FNDC3A: variants seen among roughly 807,000 people sequenced by gnomAD.
FNDC3A encodes fibronectin type III domain containing 3A, also known as fibronectin type-III domain-containing protein 3A.
FNDC3A carries 32 observed loss-of-function variants against 148.9 expected under a neutral mutation model. That is an observed-to-expected ratio of 0.21 (90% confidence interval 0.16 to 0.29). FNDC3A has a LOEUF of 0.29. FNDC3A is among the 10% of genes least tolerant of loss of function. FNDC3A has a pLI of 1.00. For missense variants in FNDC3A, 1,191 were observed against 1,452.8 expected (o/e 0.82, Z 2.93); for synonymous variants, 472 against 473.6 (o/e 1.00, Z 0.04).
intron 8 of FNDC3A, 39 bp from the exon 9 acceptor site, chr13:49,167,205 T>C (rs761021101): frequency 1.5e-6 from 2 of 1,317,002 alleles, no homozygotes; most frequent in Non-Finnish European, 1.1e-6. Context: ...TGAAAATGCT[T>C]TATTTATCAG....
At chr13:49,060,158 G>T (rs1876561956) in intron 2 of FNDC3A, among the ~76,000 whole-genome samples, 2 of 152,286 alleles carry the variant, frequency 1.3e-5, no homozygotes, top group South Asian at 4.1e-4. Flanking sequence ...CAAGTACTAT[G>T]TGGAATATCC....
intron 1 of FNDC3A, among the ~76,000 whole-genome samples, chr13:48,991,152 G>A (rs1951908220): frequency 6.6e-6 from 1 of 152,060 alleles, no homozygotes; most frequent in South Asian, 2.1e-4. Context: ...AGGGATTGTT[G>A]GATACAATTT....
chr13:49,057,541 A>G (rs768228251), intron 2 of FNDC3A, among the ~76,000 whole-genome samples: 2 of 151,932 alleles, frequency 1.3e-5, no homozygotes, highest in African/African-American at 2.4e-5. Context: ...GTTATCTTAT[A>G]CCTTGCATTT....
chr13:49,081,741 C>T (rs1163632414), intron 3 of FNDC3A, among the ~76,000 whole-genome samples: 3 of 152,094 alleles, frequency 2.0e-5, no homozygotes, highest in African/African-American at 7.2e-5. Context: ...AAAACAAAGA[C>T]CTTATATTCT....
intron 2 of FNDC3A, among the ~76,000 whole-genome samples, chr13:49,047,391 C>G (rs1875500381): frequency 6.6e-6 from 1 of 152,152 alleles, no homozygotes; most frequent in Non-Finnish European, 1.5e-5. Flanking sequence ...TAGGGGATCT[C>G]CATGCTGTTT....
intron 2 of FNDC3A, among the ~76,000 whole-genome samples, chr13:49,009,242 C>T (rs1952286895): frequency 6.6e-6 from 1 of 152,196 alleles, no homozygotes; most frequent in African/African-American, 2.4e-5. Context: ...TTCAGACTGG[C>T]TTCTCCCACT....
At chr13:49,108,098 T>C (rs1880316126) in intron 3 of FNDC3A, among the ~76,000 whole-genome samples, 1 of 152,064 alleles carries the variant, frequency 6.6e-6, no homozygotes, top group Non-Finnish European at 1.5e-5. Flanking sequence ...ATTTCAAAGA[T>C]GAGATAGTGG....
Position 49,131,331 on chromosome 13 carries a change from G to A in FNDC3A, c.447G>A (p.Gln149=). Residue 149 remains glutamine (Q), a synonymous_variant, in exon 5 of 26, where the codon CAG becomes CAA. Coordinates refer to ENST00000492622, the MANE Select transcript of FNDC3A (RefSeq NM_001079673.2). ...PVTGAGDMTT[Q]YMPQYQSSQV... The stretch of plus-strand genomic sequence containing the variant: ...CTGGAGCTGGAGACATGACAACACA[G>A]TATATGCCACAGTATCAGTCTTCAC... 5 of 1,613,886 alleles carry A rather than the reference G, an allele frequency of 3.1e-6. No individual in the cohort carries two copies. In the South Asian group the frequency reaches 5.5e-5, roughly 18 times the overall value.
intron 2 of FNDC3A, among the ~76,000 whole-genome samples, chr13:49,026,843 A>G (rs1181917027): frequency 6.6e-6 from 1 of 152,216 alleles, no homozygotes; most frequent in East Asian, 1.9e-4. Flanking sequence ...AAGTAGATCA[A>G]TGAAAAGATG....
At chr13:49,169,021 A>G (rs1221993354) in intron 10 of FNDC3A, among the ~76,000 whole-genome samples, 2 of 152,332 alleles carry the variant, frequency 1.3e-5, no homozygotes, top group East Asian at 3.9e-4. Flanking sequence ...AGTGATTCTT[A>G]ACCCATTACT....
At chr13:49,052,566 C>T (rs1320735657) in intron 2 of FNDC3A, among the ~76,000 whole-genome samples, 2 of 152,122 alleles carry the variant, frequency 1.3e-5, no homozygotes, top group Admixed American at 6.5e-5. Flanking sequence ...GCACCTGCTC[C>T]GTTGGAGGTA....
chr13:49,009,431 G>A (rs950841170), intron 2 of FNDC3A, among the ~76,000 whole-genome samples: 9 of 152,292 alleles, frequency 5.9e-5, no homozygotes, highest in African/African-American at 1.9e-4. Context: ...ACATTCATGT[G>A]CAGATTTTTG....
At chr13:49,085,101 C>T (rs1479557044) in intron 3 of FNDC3A, among the ~76,000 whole-genome samples, 1 of 152,134 alleles carries the variant, frequency 6.6e-6, no homozygotes, top group African/African-American at 2.4e-5. Flanking sequence ...ACCATTTTCT[C>T]CCTTTCTGTG....
At chr13:49,134,539 G>A (rs1342980028) in intron 5 of FNDC3A, among the ~76,000 whole-genome samples, 3 of 151,792 alleles carry the variant, frequency 2.0e-5, no homozygotes, top group African/African-American at 4.8e-5. Flanking sequence ...CATTTCTTCC[G>A]GGTATGTGCC....
chr13:48,988,872 C>CT (rs1467471266), intron 1 of FNDC3A, among the ~76,000 whole-genome samples: 1 of 151,058 alleles, frequency 6.6e-6, no homozygotes, highest in Non-Finnish European at 1.5e-5. Context: ...TAAGAAAAAG[C>CT]TTATAGTAAT....
In FNDC3A at chr13:49,198,562, A is replaced by T. The variant is rs373613275; in HGVS notation, c.2975A>T (p.Asp992Val). The T allele has an allele frequency of 1.2e-6, 2 of 1,612,046 alleles. No homozygotes were observed. The highest frequency in any genetic ancestry group is 2.2e-5 in the South Asian group (2 of 91,026). Residue 992 changes from aspartate (D) to valine (V), a missense_variant, in exon 23 of 26, where the codon GAT becomes GTT. Around this residue, in one of 3 missense-constraint regions of FNDC3A, gnomAD observed 751 missense variants for 944.0 expected, o/e 0.80. Transcript: ENST00000492622. ...DSIQYHLQME[D>V]KNGRFVSLYR... Reference sequence around the variant, plus strand: ...ATTCAGTACCACCTTCAGATGGAGGATAAGAATGGACGGTAGGTTTTTTTA... The same window carrying T: ...ATTCAGTACCACCTTCAGATGGAGGTTAAGAATGGACGGTAGGTTTTTTTA...
intron 1 of FNDC3A, among the ~76,000 whole-genome samples, chr13:48,996,449 A>G (rs1055352222): frequency 6.6e-5 from 10 of 152,222 alleles, no homozygotes; most frequent in African/African-American, 2.4e-4. Flanking sequence ...AAATATGTAC[A>G]GAGCTTTTCT....
At chr13:49,158,994 C>G (rs1883909539) in intron 8 of FNDC3A, among the ~76,000 whole-genome samples, 1 of 152,184 alleles carries the variant, frequency 6.6e-6, no homozygotes, top group Admixed American at 6.5e-5. Context: ...TGTTTTCTTA[C>G]CAGTAACATG....
chr13:49,086,718 C>T (rs958337284), intron 3 of FNDC3A, among the ~76,000 whole-genome samples: 3 of 152,078 alleles, frequency 2.0e-5, no homozygotes, highest in African/African-American at 7.2e-5. Flanking sequence ...ACCTTAACTT[C>T]CATTAGAAAA....
Sources: gnomAD v4.1 joint callset for allele counts (sites outside exome capture counted in the v4.1 genomes callset) on GRCh38, gnomAD v4.1.1 for gene constraint, gnomAD v4.1.1 regional missense constraint, MANE v1.5 for transcripts, NCBI Gene and HGNC (gene_info 2026-07-23, HGNC 2026-07-21) for gene names.